The following WFDC8 variants were observed in gnomAD, a reference collection of about 807,000 sequenced individuals.
WFDC8 encodes WAP four-disulfide core domain protein 8.
In WFDC8, 24 loss-of-function variants were observed where a neutral mutation model predicts 27.0. That is an observed-to-expected ratio of 0.89 (90% CI 0.64 to 1.25). The LOEUF is 1.25. Ranked by LOEUF, WFDC8 falls within the 50% of genes most tolerant of loss-of-function variation. The pLI, the probability that WFDC8 is intolerant of heterozygous loss-of-function variation, is 0.00. For synonymous variants in WFDC8, 106 were observed against 99.7 expected (o/e 1.06, Z -0.38); for missense variants, 287 against 295.9 (o/e 0.97, Z 0.22).
At chr20:45,553,009 T>C in intron 5 of WFDC8, 127 bp downstream of exon 5, 1 of 1,173,768 alleles carries the variant, frequency 8.5e-7, no homozygotes, top group East Asian at 2.4e-5. Context: ...TAAAAGGGGT[T>C]CCCAAAGATC....
In WFDC8 at chr20:45,551,854, C is replaced by T. The variant is rs1322039135; in HGVS notation, c.*172G>A. ...TAAAGTCATGAAGTTGAAAAAAAGC[C>T]AAATATATCATCACTTTCAGATGAT... is the stretch of plus-strand genomic sequence containing the variant. On this transcript the variant is annotated 3_prime_UTR_variant, in exon 6 of 6. Coordinates refer to ENST00000289953, the MANE Select transcript of WFDC8 (RefSeq NM_130896.3). 13 of 801,624 alleles carry T rather than the reference C, an allele frequency of 1.6e-5. No homozygotes were observed. The Admixed American group carries it at 3.9e-4, about 24-fold the overall frequency. The allele number at this position is 801,624 out of a possible 1,614,324, so 49.7% of individuals were successfully genotyped here.
chr20:45,552,101 C>T lies in WFDC8; in HGVS notation c.651G>A (p.Leu217=). ...LCTKIDKPKC[L]QDEECPLVEK... ...CCACCAATGGGCACTCCTCATCCTG[C>T]AGGCACTTGGGTTTATCAATCTTGG... is the stretch of plus-strand genomic sequence containing the variant. The change falls in exon 6 of 6, where the codon CTG becomes CTA. Residue 217 remains leucine (L), a synonymous_variant. Transcript: ENST00000289953. 1 of 1,614,160 alleles carries T rather than the reference C, an allele frequency of 6.2e-7. No homozygotes were observed. Among genetic ancestry groups the T allele is most frequent in the Non-Finnish European group, 8.5e-7 (1 of 1,179,990 alleles).
At chr20:45,572,503 C>T (rs1246479017) in intron 1 of WFDC8, among the ~76,000 whole-genome samples, 1 of 151,806 alleles carries the variant, frequency 6.6e-6, no homozygotes, top group Non-Finnish European at 1.5e-5. Context: ...TGAGGTGATA[C>T]CTCATTGTGA....
chr20:45,555,075 C>G (rs748402125), intron 4 of WFDC8, among the ~76,000 whole-genome samples: 1 of 152,174 alleles, frequency 6.6e-6, no homozygotes, highest in Non-Finnish European at 1.5e-5. Flanking sequence ...AACAACTCAA[C>G]GAGCTGTTTG....
chr20:45,551,844 G>GA lies in WFDC8; in HGVS notation c.*181dup. ...GACAAGAAAATAAAGTCATGAAGTT[G>GA]AAAAAAAGCCAAATATATCATCACT... On this transcript the variant is annotated 3_prime_UTR_variant, in exon 6 of 6. Coordinates refer to ENST00000289953, the MANE Select transcript of WFDC8 (RefSeq NM_130896.3). The GA allele has an allele frequency of 1.4e-6, 1 of 730,892 alleles. No individual in the cohort carries two copies. Among genetic ancestry groups the GA allele is most frequent in the South Asian group, 2.3e-5 (1 of 43,864 alleles). 45.3% of individuals were successfully genotyped at this position (730,892 alleles called of 1,614,324 possible).
intron 1 of WFDC8, among the ~76,000 whole-genome samples, chr20:45,565,618 C>T (rs1980650243): frequency 6.6e-6 from 1 of 152,070 alleles, no homozygotes; most frequent in Admixed American, 6.6e-5. Context: ...AATGCATTTT[C>T]CTGAGGATGC....
At position 45,579,074 on chromosome 20, in the gene WFDC8, A is replaced by T. The variant is rs560197757; in HGVS notation, c.26+148T>A. On this transcript the variant is annotated intron_variant, in intron 1 of 5. Coordinates refer to ENST00000289953, the MANE Select transcript of WFDC8 (RefSeq NM_130896.3). ...CTGCTTAGGCTCTGATTCCTGACAC[A>T]AGACAGCTCTGTTCTGTGGAACCCC... 59 of 739,068 alleles carry T rather than the reference A, an allele frequency of 8.0e-5. No individual in the cohort carries two copies. In the South Asian group the frequency reaches 8.9e-4, roughly 11 times the overall value. The allele number at this position is 739,068 out of a possible 1,614,324, so 45.8% of individuals were successfully genotyped here.
In WFDC8 at chr20:45,555,876, C is replaced by T. The variant is rs1391933968; in HGVS notation, c.278-8G>A. On this transcript the variant is annotated splice_region_variant and splice_polypyrimidine_tract_variant and intron_variant, in intron 3 of 5. Coordinates refer to ENST00000289953, the MANE Select transcript of WFDC8 (RefSeq NM_130896.3). ...CAGGTAGCATGCAGGGTTCTGAGGTCAGGAAGCAAGGAAAGAAGGATATGA... is the reference window on the plus strand; with the variant it reads ...CAGGTAGCATGCAGGGTTCTGAGGTTAGGAAGCAAGGAAAGAAGGATATGA... 1 of 1,612,038 alleles carries T rather than the reference C, an allele frequency of 6.2e-7. No homozygotes were observed. Among genetic ancestry groups the T allele is most frequent in the Admixed American group, 1.7e-5 (1 of 59,918 alleles).
intron 1 of WFDC8, among the ~76,000 whole-genome samples, chr20:45,572,437 T>A (rs1203304596): frequency 1.4e-5 from 2 of 147,094 alleles, no homozygotes; most frequent in African/African-American, 2.5e-5. Flanking sequence ...TTTCTCCACA[T>A]CCTCATCAAC....
intron 1 of WFDC8, among the ~76,000 whole-genome samples, chr20:45,573,690 T>C (rs1160202690): frequency 6.6e-6 from 1 of 152,216 alleles, no homozygotes; most frequent in African/African-American, 2.4e-5. Context: ...ATCCATTGAG[T>C]TGATTTTTTT....
chr20:45,568,638 C>G (rs970161477), intron 1 of WFDC8: 1 of 535,530 alleles, frequency 1.9e-6, no homozygotes, highest in East Asian at 4.8e-5. Flanking sequence ...ATCTAGCCTT[C>G]CAGAAAGTGT....
intron 1 of WFDC8, chr20:45,568,219 A>G (rs180869368): frequency 5.8e-4 from 153 of 261,910 alleles, no homozygotes; most frequent in Non-Finnish European, 4.4e-4. Context: ...ACATCAGAGT[A>G]CAATCATGGA....
intron 1 of WFDC8, among the ~76,000 whole-genome samples, chr20:45,570,998 C>T (rs910995927): frequency 1.3e-5 from 2 of 152,252 alleles, no homozygotes; most frequent in African/African-American, 4.8e-5. Flanking sequence ...TCTCCTAGGA[C>T]AGCTTTCAAA....
Position 45,561,727 on chromosome 20 carries a change from CAATT to C in WFDC8, c.136+379_136+382del, listed in dbSNP as rs1386226525. Among the ~76,000 whole-genome samples the C allele has an allele frequency of 2.6e-4, 36 of 139,694 alleles. No individual in the cohort carries two copies. In the East Asian group the frequency reaches 5.8e-3, roughly 22 times the overall value. 91.6% of individuals were successfully genotyped at this position (139,694 alleles called of 152,430 possible). On this transcript the variant is annotated intron_variant, in intron 2 of 5. Coordinates refer to ENST00000289953, the MANE Select transcript of WFDC8 (RefSeq NM_130896.3). Reference sequence around the variant, plus strand: ...GCCTAGTGACTTATTAATTAAAAAACAATTAAACTTGCGTGTGTGTGTGTGTGTG... The same window carrying C: ...GCCTAGTGACTTATTAATTAAAAAACAAACTTGCGTGTGTGTGTGTGTGTG...
At chr20:45,561,474 A>G (rs1347345905) in intron 2 of WFDC8, among the ~76,000 whole-genome samples, 1 of 152,132 alleles carries the variant, frequency 6.6e-6, no homozygotes, top group African/African-American at 2.4e-5. Flanking sequence ...TTTGGCATCA[A>G]CAGGTCCAGT....
intron 1 of WFDC8, among the ~76,000 whole-genome samples, chr20:45,574,484 T>G (rs1049071994): frequency 2.0e-5 from 3 of 151,608 alleles, no homozygotes; most frequent in Admixed American, 2.0e-4. Flanking sequence ...GCAAATTGTA[T>G]TCAACAGTAC....
At chr20:45,579,169 T>C in intron 1 of WFDC8, 53 bp downstream of exon 1, 1 of 1,586,394 alleles carries the variant, frequency 6.3e-7, no homozygotes, top group Non-Finnish European at 8.7e-7. Flanking sequence ...CTCATCTCCT[T>C]GGGCTCAGAC....
At chr20:45,563,894 G>A (rs1168422555) in intron 1 of WFDC8, among the ~76,000 whole-genome samples, 3 of 152,106 alleles carry the variant, frequency 2.0e-5, no homozygotes, top group Non-Finnish European at 4.4e-5. Context: ...TGGAGGCAGG[G>A]GAGAAACACA....
intron 1 of WFDC8, among the ~76,000 whole-genome samples, chr20:45,572,931 G>A (rs1481883936): frequency 6.6e-6 from 1 of 152,184 alleles, no homozygotes; most frequent in African/African-American, 2.4e-5. Flanking sequence ...TTTAAGAAAT[G>A]TCTATTCAAG....
Sources: allele counts gnomAD v4.1 joint callset (sites outside exome capture counted in the v4.1 genomes callset), GRCh38; gene constraint gnomAD v4.1.1; transcripts MANE v1.5; gene names NCBI Gene and HGNC (gene_info 2026-07-23, HGNC 2026-07-21).